Variants in PLPP4 observed in about 807,000 individuals in gnomAD.
PLPP4 encodes the protein phospholipid phosphatase 4.
PLPP4 carries 20 observed loss-of-function variants against 32.2 expected under a neutral mutation model. The observed-to-expected ratio is 0.62, with a 90% confidence interval of 0.44 to 0.90. The LOEUF is 0.90. Ranked by LOEUF, PLPP4 falls within the 40% of genes least tolerant of loss-of-function variation. The pLI is 0.00. For missense variants in PLPP4, 257 were observed against 353.1 expected (o/e 0.73, Z 2.18); for synonymous variants, 127 against 133.0 (o/e 0.95, Z 0.31).
chr10:120,471,948 C>G (rs867973732), intron 1 of PLPP4, among the ~76,000 whole-genome samples: 1 of 151,830 alleles, frequency 6.6e-6, no homozygotes, highest in Non-Finnish European at 1.5e-5. Flanking sequence ...TACTTATTAC[C>G]ATCATCTTCC....
At chr10:120,472,467 C>G (rs1469027302) in intron 1 of PLPP4, among the ~76,000 whole-genome samples, 1 of 151,910 alleles carries the variant, frequency 6.6e-6, no homozygotes, top group Non-Finnish European at 1.5e-5. Context: ...GTTATTGTTG[C>G]TTTTATGAAT....
rs527655736 is a variant in PLPP4, at chr10:120,589,253, A to G, written c.617-50A>G. 7 of 1,570,328 alleles carry G rather than the reference A, an allele frequency of 4.5e-6. No homozygotes were observed. In the South Asian group the frequency reaches 6.7e-5, roughly 15 times the overall value. Reference sequence around the variant, plus strand: ...CTTTCTGGAAAATATAATTGGCCACATTTGAACAAATGGTAACCCATTTTT... The same window carrying G: ...CTTTCTGGAAAATATAATTGGCCACGTTTGAACAAATGGTAACCCATTTTT... On this transcript the variant is annotated intron_variant, in intron 6 of 6. Transcript: ENST00000398250.
rs1849931202 is a variant in PLPP4, at chr10:120,589,636, T to C, written c.*134T>C. On this transcript the variant is annotated 3_prime_UTR_variant, in exon 7 of 7. Transcript: ENST00000398250. ...AAAGTCATCGTACTTCTGCTTCTGT[T>C]TCACTGATGGTGTTCCTGCTACTTT... is the stretch of plus-strand genomic sequence containing the variant. 2 of 685,962 alleles carry C rather than the reference T, an allele frequency of 2.9e-6. No homozygotes were observed. The highest frequency in any genetic ancestry group is 5.8e-5 in the Admixed American group (2 of 34,194). 42.5% of individuals were successfully genotyped at this position (685,962 alleles called of 1,614,324 possible). A position where few individuals can be genotyped will look rare whatever the true frequency, so the allele number is the denominator to read the frequency against.
chr10:120,466,706 C>A (rs1017652389), intron 1 of PLPP4, among the ~76,000 whole-genome samples: 1 of 152,192 alleles, frequency 6.6e-6, no homozygotes, highest in African/African-American at 2.4e-5. Context: ...AAGTGACACC[C>A]TGACTTTGCT....
At position 120,478,353 on chromosome 10, in the gene PLPP4, T is replaced by C. The variant is rs115038981; in HGVS notation, c.56+20992T>C. On this transcript the variant is annotated intron_variant, in intron 1 of 6. Coordinates refer to ENST00000398250, the MANE Select transcript of PLPP4 (RefSeq NM_001030059.3). The stretch of plus-strand genomic sequence containing the variant: ...TTGGCACATCTTCCAGGAAGGGAGG[T>C]GTTCAGGGTGCCTGCTTTACCCTCA... Among the ~76,000 whole-genome samples, 816 of 152,142 alleles carry C rather than the reference T, an allele frequency of 5.4e-3. 7 individuals carry two copies. The highest frequency in any genetic ancestry group is 0.019 in the African/African-American group (781 of 41,514).
chr10:120,476,410 G>C (rs1196863356), intron 1 of PLPP4, among the ~76,000 whole-genome samples: 4 of 152,188 alleles, frequency 2.6e-5, no homozygotes, highest in Admixed American at 2.6e-4. Context: ...TGTAGATGCT[G>C]TCATTTTTCT....
At chr10:120,560,199 C>T (rs1373391656) in intron 5 of PLPP4, among the ~76,000 whole-genome samples, 3 of 151,834 alleles carry the variant, frequency 2.0e-5, no homozygotes, top group Non-Finnish European at 4.4e-5. Flanking sequence ...GAAGTGCTCC[C>T]GAGAAGTGGA....
chr10:120,575,804 C>T (rs1849196486), intron 6 of PLPP4, among the ~76,000 whole-genome samples: 1 of 152,150 alleles, frequency 6.6e-6, no homozygotes, highest in Admixed American at 6.5e-5. Context: ...TATATATATA[C>T]ATATATCAGT....
intron 1 of PLPP4, among the ~76,000 whole-genome samples, chr10:120,473,806 T>A (rs1843771186): frequency 6.6e-6 from 1 of 152,130 alleles, no homozygotes; most frequent in South Asian, 2.1e-4. Context: ...GACGATGTGC[T>A]CGCTTCCCCT....
At chr10:120,510,909 G>A (rs1161102692) in intron 2 of PLPP4, among the ~76,000 whole-genome samples, 1 of 152,152 alleles carries the variant, frequency 6.6e-6, no homozygotes, top group Non-Finnish European at 1.5e-5. Flanking sequence ...TAGGATGAGA[G>A]GAGGAAACAA....
At chr10:120,580,539 G>A (rs1265291858) in intron 6 of PLPP4, among the ~76,000 whole-genome samples, 1 of 151,958 alleles carries the variant, frequency 6.6e-6, no homozygotes, top group Non-Finnish European at 1.5e-5. Flanking sequence ...TAAACAGGGA[G>A]GGGTGTAAAT....
chr10:120,542,907 C>T (rs56234646), intron 5 of PLPP4, among the ~76,000 whole-genome samples: 2 of 152,220 alleles, frequency 1.3e-5, no homozygotes, highest in African/African-American at 4.8e-5. Context: ...AGGTTTGCTT[C>T]TCCCAGAGGC....
intron 5 of PLPP4, among the ~76,000 whole-genome samples, chr10:120,559,743 C>A (rs1454083897): frequency 6.6e-6 from 1 of 151,992 alleles, no homozygotes; most frequent in Non-Finnish European, 1.5e-5. Flanking sequence ...GTCATGAATG[C>A]ATAAAATATA....
intron 1 of PLPP4, among the ~76,000 whole-genome samples, chr10:120,477,855 C>T (rs1844008654): frequency 6.6e-6 from 1 of 152,192 alleles, no homozygotes; most frequent in Non-Finnish European, 1.5e-5. Flanking sequence ...GAGGAACGGG[C>T]TGTCCCCATG....
chr10:120,499,591 G>A (rs952689284), intron 1 of PLPP4, among the ~76,000 whole-genome samples: 7 of 152,116 alleles, frequency 4.6e-5, no homozygotes, highest in South Asian at 2.1e-4. Flanking sequence ...GATCCCACAT[G>A]ATGCTGCTGC....
At chr10:120,581,599 G>T (rs1017853787) in intron 6 of PLPP4, among the ~76,000 whole-genome samples, 1 of 152,104 alleles carries the variant, frequency 6.6e-6, no homozygotes, top group Admixed American at 6.5e-5. Context: ...TGATTGCATC[G>T]CTTGAGCTTC....
chr10:120,457,299 C>G lies in PLPP4; in HGVS notation c.-7C>G. ...GCTGACGCCGCGGGAGCTGCTCCGG[C>G]CGCACCATGCGGGAGCTGGCCATTG... is the stretch of plus-strand genomic sequence containing the variant. On this transcript the variant is annotated 5_prime_UTR_variant, in exon 1 of 7. Coordinates refer to ENST00000398250, the MANE Select transcript of PLPP4 (RefSeq NM_001030059.3). 6.6e-7 allele frequency: 1 copy of G among 1,517,224 alleles called. No individual in the cohort carries two copies. Among genetic ancestry groups the G allele is most frequent in the East Asian group, 2.7e-5 (1 of 37,008 alleles). 94.0% of individuals were successfully genotyped at this position (1,517,224 alleles called of 1,614,324 possible). A position where few individuals can be genotyped will look rare whatever the true frequency, so the allele number is the denominator to read the frequency against.
In PLPP4 at chr10:120,514,071, C is replaced by A; in HGVS notation, c.256+70C>A. ...AATTAGATGATCACATTTAAGAAAT[C>A]TCAGTTACACCCAACTGATTTTTTT... On this transcript the variant is annotated intron_variant, in intron 3 of 6. Transcript: ENST00000398250. 7.0e-6 allele frequency: 8 copies of A among 1,137,362 alleles called. No homozygotes were observed. The South Asian group carries it at 8.7e-5, about 12-fold the overall frequency. 70.5% of individuals were successfully genotyped at this position (1,137,362 alleles called of 1,614,324 possible).
chr10:120,460,498 G>A (rs144938455), intron 1 of PLPP4, among the ~76,000 whole-genome samples: 47 of 152,282 alleles, frequency 3.1e-4, no homozygotes, highest in Non-Finnish European at 6.3e-4. Context: ...CAGTACAATA[G>A]CAATCATTTA....
Sources: gnomAD v4.1 joint callset for allele counts (sites outside exome capture counted in the v4.1 genomes callset) on GRCh38, gnomAD v4.1.1 for gene constraint, MANE v1.5 for transcripts, NCBI Gene and HGNC (gene_info 2026-07-23, HGNC 2026-07-21) for gene names.